Variants in PARD3B observed in about 807,000 individuals in gnomAD.
PARD3B encodes the protein par-3 family cell polarity regulator beta, also known as partitioning defective 3 homolog B.
Under a neutral mutation model 130.2 loss-of-function variants are expected in PARD3B, and 103 were observed. The ratio of observed to expected loss-of-function variants is 0.79; its 90% CI spans 0.67 to 0.93. The LOEUF is 0.93. Among genes scored for constraint, PARD3B ranks in the 40% least tolerant of loss-of-function variants. The pLI is 0.00. For synonymous variants in PARD3B, 583 were observed against 553.2 expected, an observed-to-expected ratio of 1.05 and a Z score of -0.76; for missense variants, 1,609 against 1,499.2, an observed-to-expected ratio of 1.07 and a Z score of -1.21.
At chr2:205,400,288 A>G (rs933671753) in intron 18 of PARD3B, among the ~76,000 whole-genome samples, 9 of 152,068 alleles carry the variant, frequency 5.9e-5, no homozygotes, top group African/African-American at 1.9e-4. Flanking sequence ...CTTCTCCCCT[A>G]CCTTCTGTCG....
chr2:205,604,257 A>G (rs1390977155), intron 22 of PARD3B, among the ~76,000 whole-genome samples: 1 of 152,180 alleles, frequency 6.6e-6, no homozygotes, highest in Non-Finnish European at 1.5e-5. Flanking sequence ...GCAATTTACA[A>G]AAGAAAGAAG....
chr2:205,257,796 T>C (rs1405087278), intron 16 of PARD3B, among the ~76,000 whole-genome samples: 1 of 152,194 alleles, frequency 6.6e-6, no homozygotes, highest in African/African-American at 2.4e-5. Flanking sequence ...CACTGATTAA[T>C]TCTGTAAGCT....
At chr2:205,134,242 A>G (rs115232261) in intron 10 of PARD3B, among the ~76,000 whole-genome samples, 1,887 of 151,962 alleles carry the variant, frequency 0.012, 38 homozygotes, top group African/African-American at 0.043. Context: ...CAGAAATACG[A>G]CTGGGTGTGG....
At chr2:204,599,614 T>A (rs527437762) in intron 1 of PARD3B, among the ~76,000 whole-genome samples, 1 of 152,084 alleles carries the variant, frequency 6.6e-6, no homozygotes, top group Admixed American at 6.6e-5. Flanking sequence ...GATGATTCCA[T>A]ATCTTGGTTG....
chr2:205,521,809 G>A (rs1169469975), intron 21 of PARD3B, among the ~76,000 whole-genome samples: 1 of 151,928 alleles, frequency 6.6e-6, no homozygotes, highest in Non-Finnish European at 1.5e-5. Flanking sequence ...CATTACCTTT[G>A]CCAAATGATC....
chr2:205,409,815 A>G (rs2046534972), intron 19 of PARD3B, among the ~76,000 whole-genome samples: 1 of 152,186 alleles, frequency 6.6e-6, no homozygotes, highest in African/African-American at 2.4e-5. Context: ...GGGCTGTTGG[A>G]ATACATTCTG....
intron 2 of PARD3B, among the ~76,000 whole-genome samples, chr2:204,874,991 G>C (rs1362159566): frequency 6.6e-6 from 1 of 152,110 alleles, no homozygotes; most frequent in Non-Finnish European, 1.5e-5. Context: ...AGCTATTCCT[G>C]TGGTCAAGAG....
rs1180598574 is a variant in PARD3B, at chr2:204,673,606, C to G, written c.121-12575C>G. ...CTCCCCACCTCCAGTCTGCCACTGA[C>G]TTGCCTCAAGTCTGTGCTCAAATGC... is the stretch of plus-strand genomic sequence containing the variant. On this transcript the variant is annotated intron_variant, in intron 1 of 22. Transcript: ENST00000406610. The surrounding 1 kb of genome is among the most constrained non-coding windows in gnomAD (Gnocchi z 4.7). Among the ~76,000 whole-genome samples the G allele has an allele frequency of 6.6e-6, 1 of 152,230 alleles. No individual in the cohort carries two copies. The highest frequency in any genetic ancestry group is 1.5e-5 in the Non-Finnish European group (1 of 68,036).
chr2:204,936,827 T>A (rs1474604672), intron 2 of PARD3B, among the ~76,000 whole-genome samples: 1 of 152,190 alleles, frequency 6.6e-6, no homozygotes, highest in Non-Finnish European at 1.5e-5. Context: ...TCTTTAAAAC[T>A]GCCATATGGG....
At chr2:205,457,692 TG>T (rs2048321113) in intron 20 of PARD3B, among the ~76,000 whole-genome samples, 1 of 152,098 alleles carries the variant, frequency 6.6e-6, no homozygotes, top group Non-Finnish European at 1.5e-5. Flanking sequence ...TAATTGCCAG[TG>T]ATTTTTTTCT....
At chr2:204,858,327 A>C (rs2045037711) in intron 2 of PARD3B, among the ~76,000 whole-genome samples, 1 of 152,090 alleles carries the variant, frequency 6.6e-6, no homozygotes, top group Admixed American at 6.6e-5. Context: ...CTAGGTATTT[A>C]TCGGTAAAGA....
At chr2:205,531,182 C>T (rs1411351558) in intron 21 of PARD3B, among the ~76,000 whole-genome samples, 2 of 152,248 alleles carry the variant, frequency 1.3e-5, no homozygotes, top group East Asian at 3.9e-4. Flanking sequence ...AGTCTTTCCA[C>T]TTAAATCAAG....
At chr2:205,004,997 A>G (rs960790963) in intron 3 of PARD3B, among the ~76,000 whole-genome samples, 2 of 152,246 alleles carry the variant, frequency 1.3e-5, no homozygotes, top group East Asian at 3.9e-4. Flanking sequence ...CATCACTTTC[A>G]TACTCCACAA....
chr2:205,576,446 G>T (rs2053762570), intron 22 of PARD3B, among the ~76,000 whole-genome samples: 1 of 151,794 alleles, frequency 6.6e-6, no homozygotes, highest in African/African-American at 2.4e-5. Context: ...ATTTAGATCT[G>T]TGAGTCATTT....
At chr2:204,755,363 G>T (rs569029793) in intron 2 of PARD3B, among the ~76,000 whole-genome samples, 1 of 151,904 alleles carries the variant, frequency 6.6e-6, no homozygotes, top group African/African-American at 2.4e-5. Context: ...CTTTTTTCCC[G>T]AAAGGCAGAA....
At chr2:204,948,414 A>T (rs1689503272) in intron 2 of PARD3B, among the ~76,000 whole-genome samples, 1 of 152,238 alleles carries the variant, frequency 6.6e-6, no homozygotes. Flanking sequence ...TTTTGGACCT[A>T]CATTTGTCAA....
chr2:204,804,295 G>C (rs1215507615), intron 2 of PARD3B, among the ~76,000 whole-genome samples: 1 of 152,010 alleles, frequency 6.6e-6, no homozygotes, highest in African/African-American at 2.4e-5. Flanking sequence ...CTGAAAATAG[G>C]GGATAGAAAG....
chr2:204,702,710 G>A (rs1377452686), intron 2 of PARD3B, among the ~76,000 whole-genome samples: 1 of 152,034 alleles, frequency 6.6e-6, no homozygotes, highest in South Asian at 2.1e-4. Context: ...AAGTAGCTGG[G>A]ATTACAGGCA....
At chr2:205,003,029 CTG>C (rs1416510815) in intron 3 of PARD3B, among the ~76,000 whole-genome samples, 3 of 152,190 alleles carry the variant, frequency 2.0e-5, no homozygotes, top group Admixed American at 1.3e-4. Flanking sequence ...CTTAACAAGA[CTG>C]AGTTCCTTGC....
Sources: allele counts gnomAD v4.1 joint callset (sites outside exome capture counted in the v4.1 genomes callset), GRCh38; gene constraint gnomAD v4.1.1; non-coding constraint Gnocchi (gnomAD v3.1); transcripts MANE v1.5; gene names NCBI Gene and HGNC (gene_info 2026-07-23, HGNC 2026-07-21).